The following ZFYVE26 variants were observed in gnomAD, a reference collection of about 807,000 sequenced individuals.
The protein encoded by ZFYVE26 is zinc finger FYVE-type containing 26, also known as zinc finger FYVE domain-containing protein 26.
ZFYVE26 carries 181 observed loss-of-function variants against 276.5 expected under a neutral mutation model. The observed-to-expected ratio is 0.65, with a 90% confidence interval of 0.58 to 0.74. The LOEUF (loss-of-function observed/expected upper bound fraction) is 0.74, where lower values mean the gene tolerates loss of function less well. Ranked by LOEUF, ZFYVE26 falls within the 30% of genes least tolerant of loss-of-function variation. The pLI is 0.00. For synonymous variants in ZFYVE26, 1,129 were observed against 1,203.1 expected (o/e 0.94, Z 1.27); for missense variants, 2,821 against 3,097.9 (o/e 0.91, Z 2.12).
At position 67,790,790 on chromosome 14, in the gene ZFYVE26, AGT is replaced by A. The variant is rs1566888359; in HGVS notation, c.2554-19_2554-18del. ...GAACAGCACCTGTCATAGGAGAGGG[AGT>A]GTGTGGGCCCTGGTGGTCCCACTGA... On this transcript the variant is annotated intron_variant, in intron 14 of 41. Transcript: ENST00000347230. The A allele has an allele frequency of 1.2e-6, 2 of 1,611,666 alleles. No homozygotes were observed. The highest frequency in any genetic ancestry group is 1.7e-6 in the Non-Finnish European group (2 of 1,178,114).
In ZFYVE26 at chr14:67,756,062, T is replaced by G. The variant is rs2038770810; in HGVS notation, c.6672A>C (p.Leu2224=). The change falls in exon 36 of 42, where the codon CTA becomes CTC. Residue 2224 remains leucine, a synonymous_variant. Coordinates refer to ENST00000347230, the MANE Select transcript of ZFYVE26 (RefSeq NM_015346.4). ...TCTCCAAGGTTGGATCAATGGATTC[T>G]AGCAAGTTCTCCAAAGTGTGTAGCT... is the stretch of plus-strand genomic sequence containing the variant. ...SGKLHTLENL[L]ESIDPTLESW... is the part of the protein sequence containing the mutation. 6.2e-7 allele frequency: 1 copy of G among 1,614,120 alleles called. No homozygotes were observed. Among genetic ancestry groups the G allele is most frequent in the Non-Finnish European group, 8.5e-7 (1 of 1,180,040 alleles).
intron 13 of ZFYVE26, among the ~76,000 whole-genome samples, chr14:67,736,360 A>G (rs1245640679): frequency 6.6e-6 from 1 of 152,230 alleles, no homozygotes; most frequent in African/African-American, 2.4e-5. Context: ...TGATATCGCT[A>G]TCATATTTTC....
In ZFYVE26 at chr14:67,755,176, C is replaced by G; in HGVS notation, c.6861G>C (p.Glu2287Asp). 6.2e-7 allele frequency: 1 copy of G among 1,614,200 alleles called. No individual in the cohort carries two copies. Among genetic ancestry groups the G allele is most frequent in the South Asian group, 1.1e-5 (1 of 91,084 alleles). Residue 2287 changes from glutamate to aspartate, a missense_variant, in exon 37 of 42, where the codon GAG (glutamate) becomes GAC (aspartate). By Grantham distance (45) the Glu-to-Asp change is conservative. Coordinates refer to ENST00000347230, the MANE Select transcript of ZFYVE26 (RefSeq NM_015346.4). ...TGGCCTTAAGTAGCCATGAGAGCTT[C>G]TCTCCCAGTTCTGTATATGACTTTG... Reference protein sequence around the residue: ...HKAKSYTELGEKLSWLLKAKD... With the variant: ...HKAKSYTELGDKLSWLLKAKD...
chr14:67,786,344 A>C, intron 16 of ZFYVE26, 111 bp from the exon 17 acceptor site: 1 of 1,340,354 alleles, frequency 7.5e-7, no homozygotes, highest in South Asian at 1.3e-5. Flanking sequence ...TCCAATATTA[A>C]GGAGGAAATA....
In ZFYVE26 at chr14:67,784,396, C is replaced by T. The variant is rs2039594653; in HGVS notation, c.3564G>A (p.Leu1188=). 6.2e-7 allele frequency: 1 copy of T among 1,614,104 alleles called. No homozygotes were observed. Among genetic ancestry groups the T allele is most frequent in the East Asian group, 2.2e-5 (1 of 44,886 alleles). ...ACACCAGTTGGGAAGAGCTCTGTTG[C>T]AGCAGAACAAAGGGATTTCCTACCT... is the stretch of plus-strand genomic sequence containing the variant. ...EVKVGNPFVL[L]QQSSSQLVSH... Residue 1188 remains leucine (L), a synonymous_variant, in exon 20 of 42, where the codon CTG becomes CTA. Transcript: ENST00000347230.
At chr14:67,815,620 T>C (rs1291951752) in intron 2 of ZFYVE26, 150 bp downstream of exon 2, 2 of 777,940 alleles carry the variant, frequency 2.6e-6, no homozygotes, top group African/African-American at 1.7e-5. Flanking sequence ...ATGTATACTA[T>C]AGAGGTAAAA....
At position 67,774,976 on chromosome 14, in the gene ZFYVE26, A is replaced by C. The variant is rs1194952174; in HGVS notation, c.5320+40T>G. ...TGAAGGATAGAATAAGGCAAGACTA[A>C]ACTGAAAAATTTTAGTGAATCATCA... On this transcript the variant is annotated intron_variant, in intron 27 of 41. Coordinates refer to ENST00000347230, the MANE Select transcript of ZFYVE26 (RefSeq NM_015346.4). The C allele has an allele frequency of 2.7e-6, 4 of 1,498,088 alleles. No individual in the cohort carries two copies. The African/African-American group carries it at 5.5e-5, about 21-fold the overall frequency. The allele number at this position is 1,498,088 out of a possible 1,614,324, so 92.8% of individuals were successfully genotyped here.
intron 38 of ZFYVE26, 151 bp downstream of exon 38, chr14:67,753,920 T>C (rs567209293): frequency 2.0e-6 from 3 of 1,495,880 alleles, no homozygotes; most frequent in Admixed American, 3.4e-5. Flanking sequence ...ATGATCAAAA[T>C]GGACCTGATC....
intron 14 of ZFYVE26, 42 bp from the exon 15 acceptor site, chr14:67,790,815 T>A: frequency 2.6e-6 from 4 of 1,552,426 alleles, no homozygotes; most frequent in Non-Finnish European, 3.6e-6. Context: ...GTGGTCCCAC[T>A]GATTTAGGGA....
chr14:67,793,283 A>G (rs7149588), intron 14 of ZFYVE26, among the ~76,000 whole-genome samples: 2 of 139,904 alleles, frequency 1.4e-5, no homozygotes, highest in African/African-American at 2.7e-5. Context: ...AAACAAGCAA[A>G]CAAACAAAAA....
At position 67,775,754 on chromosome 14, in the gene ZFYVE26, C is replaced by T. The variant is rs1015945540; in HGVS notation, c.5221+106G>A. 1.3e-5 allele frequency: 20 copies of T among 1,546,024 alleles called. No individual in the cohort carries two copies. The South Asian group carries it at 2.2e-4, about 17-fold the overall frequency. ...AGCTCTTCTGAAGTGTATTCATTCA[C>T]TCTAGATCAACCCAAAATATTAAAA... On this transcript the variant is annotated intron_variant, in intron 26 of 41. Transcript: ENST00000347230.
At chr14:67,796,025 G>A (rs1221134259) in intron 12 of ZFYVE26, among the ~76,000 whole-genome samples, 1 of 152,176 alleles carries the variant, frequency 6.6e-6, no homozygotes, top group Admixed American at 6.5e-5. Flanking sequence ...ACTGATGAGA[G>A]TATGTGCAAA....
At position 67,804,125 on chromosome 14, in the gene ZFYVE26, C is replaced by A. The variant is rs1196819970; in HGVS notation, c.1411G>T (p.Ala471Ser). Reference protein sequence around the residue: ...DVLKLLQKVPAKDPQQEPDAV... With the variant: ...DVLKLLQKVPSKDPQQEPDAV... ...CCAGGCTCTTGCTGGGGGTCCTTGG[C>A]TGGCACTTTCTGTAAGAGCTTGAGA... Residue 471 changes from alanine (A) to serine (S), a missense_variant, in exon 9 of 42, where the codon GCC (alanine) becomes TCC (serine). Transcript: ENST00000347230. 2 of 1,614,206 alleles carry A rather than the reference C, an allele frequency of 1.2e-6. No homozygotes were observed. Among genetic ancestry groups the A allele is most frequent in the African/African-American group, 1.3e-5 (1 of 75,042 alleles).
chr14:67,756,193 G>A, intron 35 of ZFYVE26, 48 bp from the exon 36 acceptor site: 1 of 1,591,542 alleles, frequency 6.3e-7, no homozygotes, highest in Non-Finnish European at 8.6e-7. Flanking sequence ...CCTGGTTCTG[G>A]CACTGTCTGG....
At chr14:67,798,689 A>G in intron 10 of ZFYVE26, 67 bp from the exon 11 acceptor site, 1 of 1,599,734 alleles carries the variant, frequency 6.3e-7, no homozygotes, top group East Asian at 2.2e-5. Context: ...CATTAGAAAC[A>G]TTACCTCCCA....
rs1314186067 is a variant in ZFYVE26, at chr14:67,809,206, G to A, written c.357C>T (p.Ile119=). Residue 119 remains isoleucine (I), a synonymous_variant, in exon 4 of 42, where the codon ATC becomes ATT. Coordinates refer to ENST00000347230, the MANE Select transcript of ZFYVE26 (RefSeq NM_015346.4). The part of the protein sequence containing the change: ...EDLQGDIPEN[I]LEELYETLTQ... ...TACCAGGGCTCTCTCTCACCTCGAG[G>A]ATGTTCTCTGGAATGTCACCTTGGA... The A allele has an allele frequency of 6.2e-7, 1 of 1,613,906 alleles. No individual in the cohort carries two copies. Among genetic ancestry groups the A allele is most frequent in the East Asian group, 2.2e-5 (1 of 44,874 alleles).
chr14:67,806,394 C>T lies in ZFYVE26; in HGVS notation c.1017+151G>A, dbSNP rs747301956. On this transcript the variant is annotated intron_variant, in intron 6 of 41. Transcript: ENST00000347230. ...GGCACTGATTCTCAGAGTCTCCTTT[C>T]CCATGGGACTGTGGGAGGGACAAAA... 6.6e-6 allele frequency: 6 copies of T among 906,870 alleles called. No individual in the cohort carries two copies. The South Asian group carries it at 8.7e-5, about 13-fold the overall frequency. 56.2% of individuals were successfully genotyped at this position (906,870 alleles called of 1,614,324 possible).
At position 67,798,120 on chromosome 14, in the gene ZFYVE26, GCT is replaced by G; in HGVS notation, c.2140_2141del (p.Ser714LeufsTer21). 1 of 1,614,162 alleles carries G rather than the reference GCT, an allele frequency of 6.2e-7. No individual in the cohort carries two copies. The highest frequency in any genetic ancestry group is 8.5e-7 in the Non-Finnish European group (1 of 1,180,006). On this transcript the variant is annotated frameshift_variant, in exon 11 of 42. Coordinates refer to ENST00000347230, the MANE Select transcript of ZFYVE26 (RefSeq NM_015346.4). LOFTEE classifies it high-confidence loss of function. ...GCAGTCCATCTCTGCTTCCTGAGCA[GCT>G]CTGACTTTCTTGCTTTGGCTTCTCA... is the stretch of plus-strand genomic sequence containing the variant. Reference protein sequence around the residue: ...PPEKPKQESQSCSGSRDGLQS... With the variant: ...PPEKPKQESQXCSGSRDGLQS...
intron 13 of ZFYVE26, among the ~76,000 whole-genome samples, chr14:67,738,789 CT>C (rs1466709873): frequency 6.6e-6 from 1 of 152,138 alleles, no homozygotes; most frequent in African/African-American, 2.4e-5. Context: ...TCAGCAGACA[CT>C]GTTAGCTGTC....
Sources: gnomAD v4.1 joint callset for allele counts (sites outside exome capture counted in the v4.1 genomes callset) on GRCh38, gnomAD v4.1.1 for gene constraint, MANE v1.5 for transcripts, NCBI Gene and HGNC (gene_info 2026-07-23, HGNC 2026-07-21) for gene names.